Variants in WLS observed in about 807,000 individuals in gnomAD.
The protein encoded by WLS is protein wntless homolog.
In WLS, 23 loss-of-function variants were observed where a neutral mutation model predicts 62.8. The ratio of observed to expected loss-of-function variants is 0.37; its 90% CI spans 0.26 to 0.52. The LOEUF is 0.52. Among genes scored for constraint, WLS ranks in the 20% least tolerant of loss-of-function variants. The pLI is 0.92. For synonymous variants in WLS, 246 were observed against 244.1 expected, an observed-to-expected ratio of 1.01 and a Z score of -0.07; for missense variants, 615 against 697.3, an observed-to-expected ratio of 0.88 and a Z score of 1.33.
chr1:68,229,785 T>C (rs919311079), intron 1 of WLS, among the ~76,000 whole-genome samples: 1 of 152,230 alleles, frequency 6.6e-6, no homozygotes, highest in African/African-American at 2.4e-5. Flanking sequence ...AGATCTGATC[T>C]GAATTGGAGA....
chr1:68,148,620 T>C lies in WLS; in HGVS notation c.1013A>G (p.Gln338Arg), dbSNP rs760112523. The C allele has an allele frequency of 2.8e-5, 45 of 1,614,128 alleles. No homozygotes were observed. The highest frequency in any genetic ancestry group is 3.7e-5 in the Non-Finnish European group (44 of 1,180,022). The change falls in exon 7 of 12, where the codon CAA becomes CGA. Residue 338 changes from glutamine (Q) to arginine (R), a missense_variant. Coordinates refer to ENST00000262348, the MANE Select transcript of WLS (RefSeq NM_024911.7). ...GGAGCCAACGGCAATGGGTCCGACT[T>C]GCTTCCAATACCCTGCGATGTGGTT... ...ERNHIAGYWK[Q>R]VGPIAVGSFC...
intron 2 of WLS, among the ~76,000 whole-genome samples, chr1:68,164,716 A>T (rs1484956725): frequency 6.6e-6 from 1 of 152,216 alleles, no homozygotes; most frequent in Admixed American, 6.5e-5. Flanking sequence ...TGCAGAAGGC[A>T]GAACAAAGCA....
intron 11 of WLS, among the ~76,000 whole-genome samples, chr1:68,134,397 G>A (rs61510890): frequency 0.018 from 2,773 of 152,216 alleles, 81 homozygotes; most frequent in African/African-American, 0.064. Context: ...AGGGGTTCCC[G>A]GGGGTGCTGG....
In WLS at chr1:68,159,143, A is replaced by G; in HGVS notation, c.484T>C (p.Cys162Arg). The change falls in exon 3 of 12, where the codon TGC (cysteine) becomes CGC (arginine). Residue 162 changes from cysteine to arginine, a missense_variant. Transcript: ENST00000262348. ...AHERVPRKLK[C>R]TFTSPKTPEH... ...CATACCTTGGGAGATGTGAAGGTGC[A>G]TTTGAGTTTCCGTGGTACTCTTTCA... 3 of 1,614,116 alleles carry G rather than the reference A, an allele frequency of 1.9e-6. No individual in the cohort carries two copies. The highest frequency in any genetic ancestry group is 1.7e-6 in the Non-Finnish European group (2 of 1,180,008).
chr1:68,099,267 T>C (rs1383323005), intron 11 of WLS, among the ~76,000 whole-genome samples: 1 of 152,152 alleles, frequency 6.6e-6, no homozygotes, highest in Non-Finnish European at 1.5e-5. Flanking sequence ...CAAAGAGATA[T>C]ACTCAGAGAC....
intron 11 of WLS, chr1:68,098,838 T>C: frequency 3.4e-6 from 5 of 1,479,586 alleles, no homozygotes; most frequent in Non-Finnish European, 1.8e-6. Flanking sequence ...AAGGCTCAGG[T>C]AACTATAAAA....
In WLS at chr1:68,155,149, T is replaced by A; in HGVS notation, c.616A>T (p.Lys206Ter). The change falls in exon 4 of 12, where the codon AAG becomes TAG. Residue 206 changes from lysine to a stop codon, truncating the protein, a stop_gained. Coordinates refer to ENST00000262348, the MANE Select transcript of WLS (RefSeq NM_024911.7). LOFTEE classifies it high-confidence loss of function. The part of the protein sequence containing the change: ...LLNIRLPVNE[K>*]KKINVGIGEI... ...CCAATTCCCACATTGATTTTCTTCTTCTCATTCACAGGCAGCCGGATGTTT... is the reference window on the plus strand; with the variant it reads ...CCAATTCCCACATTGATTTTCTTCTACTCATTCACAGGCAGCCGGATGTTT... 2 of 1,613,998 alleles carry A rather than the reference T, an allele frequency of 1.2e-6. No homozygotes were observed. Among genetic ancestry groups the A allele is most frequent in the South Asian group, 2.2e-5 (2 of 91,062 alleles).
At chr1:68,126,678 T>C (rs1355676341) in intron 11 of WLS, among the ~76,000 whole-genome samples, 1 of 152,176 alleles carries the variant, frequency 6.6e-6, no homozygotes. Context: ...TCTTTAATCC[T>C]CGCAGAAGCC....
chr1:68,127,590 G>A lies in WLS; in HGVS notation c.1517-1255C>T, dbSNP rs184073113. Among the ~76,000 whole-genome samples, 35 of 152,318 alleles carry A rather than the reference G, an allele frequency of 2.3e-4. 1 individual carries two copies. Among genetic ancestry groups the A allele is most frequent in the East Asian group, 1.4e-3 (7 of 5,184 alleles). On this transcript the variant is annotated intron_variant, in intron 11 of 11. Coordinates refer to ENST00000262348, the MANE Select transcript of WLS (RefSeq NM_024911.7). ...AGTCTGACTGTGTGTGGGGGTGCAC[G>A]TGTGCACACATGTTTGTGGAGAGGG... is the stretch of plus-strand genomic sequence containing the variant.
chr1:68,192,553 G>C (rs1277704451), intron 2 of WLS, among the ~76,000 whole-genome samples: 2 of 150,742 alleles, frequency 1.3e-5, no homozygotes, highest in Non-Finnish European at 3.0e-5. Context: ...CTCCAGCCCA[G>C]GCAAAAGAGA....
intron 1 of WLS, among the ~76,000 whole-genome samples, chr1:68,197,670 G>C (rs1359895191): frequency 1.3e-5 from 2 of 152,084 alleles, no homozygotes; most frequent in African/African-American, 4.8e-5. Context: ...TCTTTATATA[G>C]ACAGCATTAT....
chr1:68,153,214 C>T (rs1646850727), intron 5 of WLS, among the ~76,000 whole-genome samples: 1 of 152,130 alleles, frequency 6.6e-6, no homozygotes, highest in Admixed American at 6.5e-5. Flanking sequence ...GTCAAGGCTG[C>T]AGCAAGCTGA....
At chr1:68,210,954 C>CA (rs1388079230) in intron 1 of WLS, among the ~76,000 whole-genome samples, 3 of 152,116 alleles carry the variant, frequency 2.0e-5, no homozygotes, top group Admixed American at 6.5e-5. Flanking sequence ...TGCTGTCTTC[C>CA]AACCCTCAGA....
intron 11 of WLS, among the ~76,000 whole-genome samples, chr1:68,117,073 T>TCCTC (rs893692798): frequency 1.3e-5 from 2 of 151,706 alleles, no homozygotes; most frequent in Non-Finnish European, 2.9e-5. Context: ...TCAATTTCCT[T>TCCTC]CCTCCCTCCC....
chr1:68,120,139 C>T (rs189101162), intron 11 of WLS, among the ~76,000 whole-genome samples: 4 of 152,318 alleles, frequency 2.6e-5, no homozygotes, highest in African/African-American at 9.6e-5. Flanking sequence ...ACCTACTCTT[C>T]CTTATGAGGC....
intron 1 of WLS, among the ~76,000 whole-genome samples, chr1:68,210,025 T>A (rs993407309): frequency 2.0e-5 from 3 of 152,208 alleles, no homozygotes; most frequent in Non-Finnish European, 4.4e-5. Context: ...TGAGTTCAAA[T>A]GGCAATTCCA....
chr1:68,122,793 A>G (rs1184533639), downstream of WLS, among the ~76,000 whole-genome samples: 1 of 152,144 alleles, frequency 6.6e-6, no homozygotes, highest in Non-Finnish European at 1.5e-5. Flanking sequence ...CATTCTTGAA[A>G]TGGAGACTTC....
chr1:68,111,231 G>GTT (rs1646225232), intron 11 of WLS, among the ~76,000 whole-genome samples: 1 of 152,162 alleles, frequency 6.6e-6, no homozygotes, highest in African/African-American at 2.4e-5. Context: ...AGCCTTTGGG[G>GTT]ACCATAGATG....
At chr1:68,133,867 CT>C (rs1646567427) in intron 11 of WLS, among the ~76,000 whole-genome samples, 1 of 152,214 alleles carries the variant, frequency 6.6e-6, no homozygotes, top group African/African-American at 2.4e-5. Context: ...TTCTTATTGC[CT>C]TTGGCATCAG....
Sources: allele counts gnomAD v4.1 joint callset (sites outside exome capture counted in the v4.1 genomes callset), GRCh38; gene constraint gnomAD v4.1.1; transcripts MANE v1.5; gene names NCBI Gene and HGNC (gene_info 2026-07-23, HGNC 2026-07-21).